KIF15: variants seen among roughly 807,000 people sequenced by gnomAD.
KIF15 encodes the protein kinesin-like protein KIF15.
Under a neutral mutation model 190.6 loss-of-function variants are expected in KIF15, and 140 were observed. The observed-to-expected ratio is 0.73, with a 90% CI of 0.64 to 0.84. KIF15 has a LOEUF of 0.84. Among genes scored for constraint, KIF15 ranks in the 40% least tolerant of loss-of-function variants. The pLI, the probability that KIF15 is intolerant of heterozygous loss-of-function variation, is 0.00. For synonymous variants in KIF15, 528 were observed against 551.3 expected, an observed-to-expected ratio of 0.96 and a Z score of 0.59; for missense variants, 1,372 against 1,584.4, an observed-to-expected ratio of 0.87 and a Z score of 2.28.
chr3:44,866,940 G>C (rs1167600492), intron 6 of KIF15, among the ~76,000 whole-genome samples: 1 of 152,058 alleles, frequency 6.6e-6, no homozygotes, highest in Non-Finnish European at 1.5e-5. Flanking sequence ...TTCACCTCTC[G>C]CTGGCAAACT....
chr3:44,864,388 C>A, intron 6 of KIF15: 1 of 1,611,870 alleles, frequency 6.2e-7, no homozygotes, highest in Non-Finnish European at 8.5e-7. Context: ...AATCTGGGTT[C>A]TGGGTGAGTT....
At chr3:44,772,836 A>G (rs558578153) in intron 1 of KIF15, among the ~76,000 whole-genome samples, 2 of 152,336 alleles carry the variant, frequency 1.3e-5, no homozygotes, top group Non-Finnish European at 2.9e-5. Context: ...AGGCTAAAAC[A>G]AAGCACTGGG....
chr3:44,804,984 A>AG, intron 14 of KIF15, 43 bp from the exon 15 acceptor site: 1 of 1,508,674 alleles, frequency 6.6e-7, no homozygotes, highest in Non-Finnish European at 9.0e-7. Flanking sequence ...GCCCTGTCTC[A>AG]GAAAAAAAAA....
chr3:44,863,981 G>A (rs1026028073), intron 6 of KIF15: 7 of 560,212 alleles, frequency 1.2e-5, no homozygotes, highest in South Asian at 2.5e-5. Flanking sequence ...GGCCAAATGA[G>A]TATCTTCTCT....
intron 5 of KIF15, among the ~76,000 whole-genome samples, chr3:44,784,339 CT>C (rs989998290): frequency 2.0e-4 from 30 of 148,522 alleles, no homozygotes; most frequent in Admixed American, 4.7e-4. Flanking sequence ...CGCCCGGCTA[CT>C]TTTTTTTTTG....
chr3:44,824,683 T>A (rs929794475), intron 20 of KIF15, among the ~76,000 whole-genome samples: 47 of 152,264 alleles, frequency 3.1e-4, no homozygotes, highest in Non-Finnish European at 5.6e-4. Context: ...TTGAACTACA[T>A]CAAAAAATGT....
chr3:44,852,615 C>A, intron 34 of KIF15, 58 bp from the exon 35 acceptor site: 1 of 1,318,904 alleles, frequency 7.6e-7, no homozygotes, highest in Non-Finnish European at 1.0e-6. Context: ...AAAAAAACCA[C>A]TTCCTGTAAG....
intron 20 of KIF15, among the ~76,000 whole-genome samples, chr3:44,824,358 T>A (rs1296370390): frequency 6.6e-6 from 1 of 152,200 alleles, no homozygotes; most frequent in Non-Finnish European, 1.5e-5. Flanking sequence ...CAGAATGTGC[T>A]GTCTGGGTCA....
rs748820893 is a variant in KIF15 at position 44,838,405 on chromosome 3, A to C, written c.3302A>C (p.Gln1101Pro). The C allele has an allele frequency of 6.2e-7, 1 of 1,612,990 alleles. No homozygotes were observed. Among genetic ancestry groups the C allele is most frequent in the African/African-American group, 1.3e-5 (1 of 74,968 alleles). The stretch of plus-strand genomic sequence containing the variant: ...CTGACCAAGAAGGAAGCCCTGATTC[A>C]GGAACTTCAGCACAAGGTGAGAAAC... ...EELTKKEALI[Q>P]ELQHKLNQKK... Residue 1101 changes from glutamine (Q) to proline (P), a missense_variant, in exon 27 of 35, where the codon CAG (glutamine) becomes CCG (proline). Physicochemically the swap from Gln to Pro is moderately conservative, Grantham distance 76. Coordinates refer to ENST00000326047, the MANE Select transcript of KIF15 (RefSeq NM_020242.3).
At chr3:44,800,655 G>GT (rs1707224282) in intron 11 of KIF15, among the ~76,000 whole-genome samples, 1 of 152,206 alleles carries the variant, frequency 6.6e-6, no homozygotes, top group Non-Finnish European at 1.5e-5. Context: ...TTTGAATAAT[G>GT]TATAAGTGCT....
At chr3:44,840,798 A>T (rs1161648696) in intron 28 of KIF15, among the ~76,000 whole-genome samples, 1 of 149,884 alleles carries the variant, frequency 6.7e-6, no homozygotes, top group East Asian at 2.0e-4. Flanking sequence ...CTTCCCAAGT[A>T]GCTGGGACTA....
chr3:44,827,547 T>G lies in KIF15; in HGVS notation c.2856+19T>G. ...GCAGCAGGTAAAATTCCTGTTACTC[T>G]AACTCTAGTATTTGAAGTTTATAAC... On this transcript the variant is annotated intron_variant, in intron 23 of 34. Transcript: ENST00000326047. 6.7e-7 allele frequency: 1 copy of G among 1,501,602 alleles called. No homozygotes were observed. The allele number at this position is 1,501,602 out of a possible 1,614,324, so 93.0% of individuals were successfully genotyped here.
rs1187440058 is a variant in KIF15 at position 44,827,538 on chromosome 3, C to T, written c.2856+10C>T. The T allele has an allele frequency of 6.4e-7, 1 of 1,560,984 alleles. No individual in the cohort carries two copies. The highest frequency in any genetic ancestry group is 1.1e-5 in the South Asian group (1 of 89,586). The stretch of plus-strand genomic sequence containing the variant: ...CAAGTGTGAGCAGCAGGTAAAATTC[C>T]TGTTACTCTAACTCTAGTATTTGAA... On this transcript the variant is annotated intron_variant, in intron 23 of 34. Transcript: ENST00000326047.
chr3:44,840,532 A>G (rs1698539964), intron 28 of KIF15, 76 bp downstream of exon 28: 4 of 932,970 alleles, frequency 4.3e-6, no homozygotes, highest in Non-Finnish European at 6.7e-6. Context: ...ATTAGGAAGA[A>G]CATACCTTTG....
intron 19 of KIF15, 55 bp from the exon 20 acceptor site, chr3:44,814,856 A>G (rs2125664548): frequency 6.9e-7 from 1 of 1,441,982 alleles, no homozygotes; most frequent in Non-Finnish European, 9.3e-7. Context: ...TACCTATCAG[A>G]TTTATTTGTC....
chr3:44,853,969 A>G (rs1449045442), downstream of KIF15, among the ~76,000 whole-genome samples: 4 of 152,220 alleles, frequency 2.6e-5, no homozygotes, highest in Non-Finnish European at 4.4e-5. Context: ...AAAGTAAATC[A>G]TTGGCTGCTT....
intron 24 of KIF15, among the ~76,000 whole-genome samples, chr3:44,829,353 T>G (rs556814594): frequency 7.0e-6 from 1 of 143,232 alleles, no homozygotes; most frequent in South Asian, 2.1e-4. Flanking sequence ...CGAGACTCCA[T>G]CTCAAAAAAT....
chr3:44,769,489 T>TA (rs1705555006), intron 1 of KIF15, among the ~76,000 whole-genome samples: 1 of 152,226 alleles, frequency 6.6e-6, no homozygotes, highest in Admixed American at 6.5e-5. Context: ...CTTACCCACG[T>TA]ACGCCCTATC....
chr3:44,812,829 A>G (rs1707848969), intron 18 of KIF15, among the ~76,000 whole-genome samples: 1 of 152,194 alleles, frequency 6.6e-6, no homozygotes, highest in Non-Finnish European at 1.5e-5. Context: ...TACTAAAAAT[A>G]CAAAACTTAG....
Sources: gnomAD v4.1 joint callset for allele counts (sites outside exome capture counted in the v4.1 genomes callset) on GRCh38, gnomAD v4.1.1 for gene constraint, MANE v1.5 for transcripts, NCBI Gene and HGNC (gene_info 2026-07-23, HGNC 2026-07-21) for gene names.